The following MAML3 variants were observed in gnomAD, a reference collection of about 807,000 sequenced individuals.
MAML3 encodes mastermind like transcriptional coactivator 3.
Under a neutral mutation model 101.9 loss-of-function variants are expected in MAML3, and 27 were observed. That is an observed-to-expected ratio of 0.27 (90% CI 0.20 to 0.37). The LOEUF (loss-of-function observed/expected upper bound fraction) is 0.37. Ranked by LOEUF, MAML3 falls within the 10% of genes least tolerant of loss-of-function variation. The pLI is 1.00. For synonymous variants in MAML3, 501 were observed against 555.9 expected, an observed-to-expected ratio of 0.90 and a Z score of 1.39; for missense variants, 1,316 against 1,444.9, an observed-to-expected ratio of 0.91 and a Z score of 1.45.
At chr4:139,832,738 T>C (rs1275414473) in intron 2 of MAML3, among the ~76,000 whole-genome samples, 2 of 152,244 alleles carry the variant, frequency 1.3e-5, no homozygotes, top group Non-Finnish European at 2.9e-5. Flanking sequence ...ATGACCTTCA[T>C]ATTTAAAGTG....
intron 2 of MAML3, among the ~76,000 whole-genome samples, chr4:139,805,996 A>G (rs1033919846): frequency 4.6e-5 from 7 of 152,206 alleles, no homozygotes; most frequent in Admixed American, 2.0e-4. Flanking sequence ...TTAGATTTGC[A>G]CCTTGCAACT....
intron 2 of MAML3, among the ~76,000 whole-genome samples, chr4:139,734,023 T>A (rs916412320): frequency 1.1e-4 from 17 of 152,214 alleles, no homozygotes; most frequent in African/African-American, 3.9e-4. Flanking sequence ...CTGCCTTCCA[T>A]ACGAAACATC....
chr4:140,152,972 T>C lies in MAML3; in HGVS notation c.356A>G (p.Glu119Gly). 6.2e-7 allele frequency: 1 copy of C among 1,611,272 alleles called. No homozygotes were observed. Among genetic ancestry groups the C allele is most frequent in the Non-Finnish European group, 8.5e-7 (1 of 1,178,926 alleles). The change falls in exon 1 of 5, where the codon GAG (glutamate) becomes GGG (glycine). Residue 119 changes from glutamate (E) to glycine (G), a missense_variant. By Grantham distance (98) the Glu-to-Gly change is moderately conservative. Coordinates refer to ENST00000509479, the MANE Select transcript of MAML3 (RefSeq NM_018717.5). ...GGCGCCCGATTTCTTGGCCCTCTGC[T>C]CCAGGGTCCGCTGGTAGAGGCTCAC... ...DTVSLYQRTL[E>G]QRAKKSGAGT...
In MAML3 at chr4:139,719,249, G is replaced by A; in HGVS notation, c.*74C>T. On this transcript the variant is annotated 3_prime_UTR_variant, in exon 5 of 5. Transcript: ENST00000509479. ...GGTCAAAAAAACAAAAAACAAGGAT[G>A]GGTCAACATCCTGTTTCTTTTTCAC... 4 of 1,484,534 alleles carry A rather than the reference G, an allele frequency of 2.7e-6. No homozygotes were observed. Among genetic ancestry groups the A allele is most frequent in the Middle Eastern group, 1.9e-4 (1 of 5,246 alleles). The allele number at this position is 1,484,534 out of a possible 1,614,324, so 92.0% of individuals were successfully genotyped here. A position where few individuals can be genotyped will look rare whatever the true frequency, so the allele number is the denominator to read the frequency against.
chr4:140,065,601 T>A (rs1230838767), intron 1 of MAML3, among the ~76,000 whole-genome samples: 1 of 152,120 alleles, frequency 6.6e-6, no homozygotes, highest in East Asian at 1.9e-4. Flanking sequence ...GCTAGCAGAG[T>A]TTGTTGTGAG....
intron 1 of MAML3, among the ~76,000 whole-genome samples, chr4:140,120,511 T>G (rs1728590464): frequency 6.6e-6 from 1 of 152,216 alleles, no homozygotes. Context: ...TGATGTAGAT[T>G]AATATTTTAA....
At chr4:140,018,295 GT>G (rs35829097) in intron 1 of MAML3, among the ~76,000 whole-genome samples, 40,523 of 151,994 alleles carry the variant, frequency 0.27, 6,584 homozygotes, top group Non-Finnish European at 0.37. Context: ...CAATGTCAAA[GT>G]GGAAAATGAA....
chr4:139,895,383 A>T (rs1174608363), intron 1 of MAML3, among the ~76,000 whole-genome samples: 1 of 152,228 alleles, frequency 6.6e-6, no homozygotes, highest in Non-Finnish European at 1.5e-5. Flanking sequence ...CAATAAATAC[A>T]TGTTGAATAA....
At chr4:140,036,777 A>C (rs1393557687) in intron 1 of MAML3, among the ~76,000 whole-genome samples, 1 of 152,220 alleles carries the variant, frequency 6.6e-6, no homozygotes, top group East Asian at 1.9e-4. Context: ...AAGTTATAAA[A>C]ATAACCATGC....
intron 1 of MAML3, among the ~76,000 whole-genome samples, chr4:140,126,173 T>TA (rs1728682636): frequency 5.2e-5 from 3 of 57,202 alleles, no homozygotes; most frequent in Non-Finnish European, 1.2e-4. Context: ...TAAGCATTGT[T>TA]TAAAAAAAAA....
chr4:139,757,447 C>T (rs931426797), intron 2 of MAML3, among the ~76,000 whole-genome samples: 1 of 151,924 alleles, frequency 6.6e-6, no homozygotes, highest in African/African-American at 2.4e-5. Context: ...GTCAGGAGTT[C>T]GAGACCAGCC....
intron 1 of MAML3, among the ~76,000 whole-genome samples, chr4:140,110,346 GA>G (rs1201951138): frequency 6.6e-6 from 1 of 152,204 alleles, no homozygotes; most frequent in African/African-American, 2.4e-5. Context: ...TGGAAAGGGG[GA>G]AACGGCAGAT....
At position 139,890,632 on chromosome 4, in the gene MAML3, G is replaced by C; in HGVS notation, c.804C>G (p.Ile268Met). The C allele has an allele frequency of 1.2e-6, 2 of 1,613,968 alleles. No homozygotes were observed. The highest frequency in any genetic ancestry group is 1.7e-6 in the Non-Finnish European group (2 of 1,179,818). The part of the protein sequence containing the change: ...GCSDLEDSFT[I>M]LQSKDLKQEP... Reference sequence around the variant, plus strand: ...CTTGTTTGAGGTCTTTGCTCTGCAAGATGGTGAAGCTATCCTCCAGGTCAC... The same window carrying C: ...CTTGTTTGAGGTCTTTGCTCTGCAACATGGTGAAGCTATCCTCCAGGTCAC... Residue 268 changes from isoleucine to methionine, a missense_variant, in exon 2 of 5, where the codon ATC becomes ATG. Physicochemically the swap from Ile to Met is conservative, Grantham distance 10. Transcript: ENST00000509479. The surrounding 1 kb of genome is among the most constrained non-coding windows in gnomAD (Gnocchi z 4.1).
Position 139,860,342 on chromosome 4 carries a change from A to G in MAML3, c.2079+29015T>C, listed in dbSNP as rs377009449. Among the ~76,000 whole-genome samples the G allele has an allele frequency of 3.8e-4, 58 of 152,344 alleles. No homozygotes were observed. In the South Asian group the frequency reaches 5.0e-3, roughly 13 times the overall value. On this transcript the variant is annotated intron_variant, in intron 2 of 4. Coordinates refer to ENST00000509479, the MANE Select transcript of MAML3 (RefSeq NM_018717.5). Reference sequence around the variant, plus strand: ...CTTGAGAGAGGGGCTTCTCTTGGCCATCTTCCAGAAAGTTCTCCATGAGGC... The same window carrying G: ...CTTGAGAGAGGGGCTTCTCTTGGCCGTCTTCCAGAAAGTTCTCCATGAGGC...
intron 2 of MAML3, among the ~76,000 whole-genome samples, chr4:139,851,182 AGAACTAG>A (rs1308160851): frequency 6.6e-6 from 1 of 152,236 alleles, no homozygotes; most frequent in Admixed American, 6.5e-5. Context: ...AGAACTGACC[AGAACTAG>A]GAACTGAAGG....
chr4:140,047,734 G>T (rs892606787), intron 1 of MAML3, among the ~76,000 whole-genome samples: 9 of 121,622 alleles, frequency 7.4e-5, no homozygotes, highest in African/African-American at 2.6e-4. Context: ...CCCAAAATGG[G>T]CACAGCAGAA....
In MAML3 at chr4:139,720,197, G is replaced by A. The variant is rs1404341092; in HGVS notation, c.2543C>T (p.Ala848Val). 6.2e-7 allele frequency: 1 copy of A among 1,613,938 alleles called. No homozygotes were observed. The highest frequency in any genetic ancestry group is 1.3e-5 in the African/African-American group (1 of 75,058). ...IGPSQNPGTM[A>V]TAAAQSEMGL... ...CATCTCCGACTGCGCAGCTGCGGTGGCCATCGTCCCAGGGTTCTGGGAGGG... is the reference window on the plus strand; with the variant it reads ...CATCTCCGACTGCGCAGCTGCGGTGACCATCGTCCCAGGGTTCTGGGAGGG... The change falls in exon 5 of 5, where the codon GCC becomes GTC. Residue 848 changes from alanine (A) to valine (V), a missense_variant. Physicochemically the swap from Ala to Val is moderately conservative, Grantham distance 64. Transcript: ENST00000509479.
At chr4:139,798,390 C>G (rs1730553540) in intron 2 of MAML3, among the ~76,000 whole-genome samples, 1 of 152,210 alleles carries the variant, frequency 6.6e-6, no homozygotes, top group Non-Finnish European at 1.5e-5. Context: ...CCTTTCATCT[C>G]TGACATTCTA....
chr4:139,793,748 T>A (rs534153841), intron 2 of MAML3, among the ~76,000 whole-genome samples: 4 of 152,334 alleles, frequency 2.6e-5, no homozygotes, highest in Non-Finnish European at 4.4e-5. Context: ...TACAGATCTT[T>A]AGCTCCAGAG....
Sources: gnomAD v4.1 joint callset for allele counts (sites outside exome capture counted in the v4.1 genomes callset) on GRCh38, gnomAD v4.1.1 for gene constraint, Gnocchi (gnomAD v3.1) non-coding constraint, MANE v1.5 for transcripts, NCBI Gene and HGNC (gene_info 2026-07-23, HGNC 2026-07-21) for gene names.